PCCA: variants seen among roughly 807,000 people sequenced by gnomAD.
PCCA encodes propionyl-CoA carboxylase subunit alpha, also known as propionyl-CoA carboxylase alpha chain, mitochondrial.
In PCCA, 74 loss-of-function variants were observed where a neutral mutation model predicts 101.3. The ratio of observed to expected loss-of-function variants is 0.73; its 90% CI spans 0.61 to 0.89. PCCA has a LOEUF of 0.89. Ranked by LOEUF, PCCA falls within the 40% of genes least tolerant of loss-of-function variation. The pLI is 0.00. For missense variants in PCCA, 891 were observed against 907.0 expected (o/e 0.98, Z 0.23); for synonymous variants, 294 against 313.6 (o/e 0.94, Z 0.66).
intron 19 of PCCA, among the ~76,000 whole-genome samples, chr13:100,390,544 A>T (rs2076750771): frequency 6.6e-6 from 1 of 152,218 alleles, no homozygotes. Flanking sequence ...GGTATGCTAA[A>T]GATTTAAAGG....
intron 7 of PCCA, among the ~76,000 whole-genome samples, chr13:100,217,374 G>A (rs745876313): frequency 6.6e-6 from 1 of 151,512 alleles, no homozygotes; most frequent in Non-Finnish European, 1.5e-5. Flanking sequence ...ACCACAGGAG[G>A]TGGAGCTTGC....
At chr13:100,342,831 C>T (rs1595462780) in intron 18 of PCCA, among the ~76,000 whole-genome samples, 1 of 151,884 alleles carries the variant, frequency 6.6e-6, no homozygotes, top group Non-Finnish European at 1.5e-5. Flanking sequence ...CAGCGACCCT[C>T]CTGCCTCAGT....
intron 4 of PCCA, 117 bp from the exon 5 acceptor site, chr13:100,154,862 A>G: frequency 1.3e-6 from 1 of 772,720 alleles, no homozygotes; most frequent in South Asian, 1.4e-5. Flanking sequence ...TCAAAAAGAA[A>G]TACGACTCTA....
intron 21 of PCCA, among the ~76,000 whole-genome samples, chr13:100,453,934 G>A (rs1595968682): frequency 6.6e-6 from 1 of 152,202 alleles, no homozygotes; most frequent in South Asian, 2.1e-4. Context: ...GCGCGATCTC[G>A]ATATCCGCTC....
At chr13:100,503,745 A>T (rs2085861821) in intron 21 of PCCA, among the ~76,000 whole-genome samples, 1 of 152,118 alleles carries the variant, frequency 6.6e-6, no homozygotes, top group Admixed American at 6.5e-5. Flanking sequence ...CTTTACAAAA[A>T]ATTTAAAAAA....
Position 100,530,177 on chromosome 13 carries a change from A to G in PCCA, c.*11A>G. On this transcript the variant is annotated 3_prime_UTR_variant, in exon 24 of 24. Transcript: ENST00000376285. Reference sequence around the variant, plus strand: ...GTGGAGCTGGAATGAAGGATTTATAACCTTTCAGTCATCACCCAATTTAAT... The same window carrying G: ...GTGGAGCTGGAATGAAGGATTTATAGCCTTTCAGTCATCACCCAATTTAAT... 1 of 1,605,936 alleles carries G rather than the reference A, an allele frequency of 6.2e-7. No homozygotes were observed. Among genetic ancestry groups the G allele is most frequent in the Non-Finnish European group, 8.5e-7 (1 of 1,172,604 alleles).
In PCCA at chr13:100,339,155, G is replaced by T. The variant is rs113419618; in HGVS notation, c.1541-1002G>T. Among the ~76,000 whole-genome samples, 384 of 152,014 alleles carry T rather than the reference G, an allele frequency of 2.5e-3. 4 individuals are homozygous for T. In the South Asian group the frequency reaches 0.028, roughly 11 times the overall value. Reference sequence around the variant, plus strand: ...ATCATCTCTAGGTTACTTATAATGCGTAGTACAATGTAAATGCTGTGTAAA... The same window carrying T: ...ATCATCTCTAGGTTACTTATAATGCTTAGTACAATGTAAATGCTGTGTAAA... On this transcript the variant is annotated intron_variant, in intron 17 of 23. Transcript: ENST00000376285.
Position 100,253,668 on chromosome 13 carries a change from C to T in PCCA, c.638-3927C>T, listed in dbSNP as rs187361961. Among the ~76,000 whole-genome samples, 91 of 152,176 alleles carry T rather than the reference C, an allele frequency of 6.0e-4. 1 individual carries two copies. Among genetic ancestry groups the T allele is most frequent in the African/African-American group, 1.8e-3 (73 of 41,540 alleles). On this transcript the variant is annotated intron_variant, in intron 8 of 23. Coordinates refer to ENST00000376285, the MANE Select transcript of PCCA (RefSeq NM_000282.4). ...CATATAGTATTAGTAGATTTCTTTT[C>T]GGAAGCATTAGTGCCTCTTTTATTG...
intron 12 of PCCA, among the ~76,000 whole-genome samples, chr13:100,292,664 A>G (rs1262854457): frequency 1.3e-5 from 2 of 152,236 alleles, no homozygotes; most frequent in Non-Finnish European, 2.9e-5. Context: ...AAAAGATGGC[A>G]AGCCACATAT....
intron 6 of PCCA, among the ~76,000 whole-genome samples, chr13:100,203,144 C>T (rs568337869): frequency 1.1e-4 from 17 of 151,586 alleles, no homozygotes; most frequent in South Asian, 4.2e-4. Flanking sequence ...CGTGGTGGTG[C>T]GCGTCTGTAG....
chr13:100,370,908 A>G (rs573603688), intron 19 of PCCA, among the ~76,000 whole-genome samples: 1 of 152,266 alleles, frequency 6.6e-6, no homozygotes, highest in South Asian at 2.1e-4. Flanking sequence ...GTCTGGGTTA[A>G]TGACTCTGGA....
chr13:100,163,252 G>A (rs970960244), intron 6 of PCCA, among the ~76,000 whole-genome samples: 6 of 152,038 alleles, frequency 3.9e-5, no homozygotes, highest in African/African-American at 7.2e-5. Flanking sequence ...GAAGTGTTAC[G>A]TTCTAGTTTT....
Position 100,100,817 on chromosome 13 carries a change from C to T in PCCA, c.106-2066C>T, listed in dbSNP as rs558943476. On this transcript the variant is annotated intron_variant, in intron 1 of 23. Transcript: ENST00000376285. Reference sequence around the variant, plus strand: ...TTTTTTTTTTGTTGAGACAGTGTTTCGCTCTTTTTGCCCAGGCTGGAGTGC... The same window carrying T: ...TTTTTTTTTTGTTGAGACAGTGTTTTGCTCTTTTTGCCCAGGCTGGAGTGC... Among the ~76,000 whole-genome samples, 37 of 148,582 alleles carry T rather than the reference C, an allele frequency of 2.5e-4. No homozygotes were observed. In the South Asian group the frequency reaches 3.0e-3, roughly 12 times the overall value.
At chr13:100,167,695 T>C (rs950061389) in intron 6 of PCCA, among the ~76,000 whole-genome samples, 1 of 152,236 alleles carries the variant, frequency 6.6e-6, no homozygotes, top group African/African-American at 2.4e-5. Flanking sequence ...TTATATGTGG[T>C]GTGAAGTAGG....
At position 100,530,214 on chromosome 13, in the gene PCCA, A is replaced by G. The variant is rs763154421; in HGVS notation, c.*48A>G. On this transcript the variant is annotated 3_prime_UTR_variant, in exon 24 of 24. Coordinates refer to ENST00000376285, the MANE Select transcript of PCCA (RefSeq NM_000282.4). ...TCACCCAATTTAATTAGCCATTTGCATGATGCTTTCACACACAATTGATTC... is the reference window on the plus strand; with the variant it reads ...TCACCCAATTTAATTAGCCATTTGCGTGATGCTTTCACACACAATTGATTC... The G allele has an allele frequency of 7.1e-7, 1 of 1,407,622 alleles. No individual in the cohort carries two copies. The highest frequency in any genetic ancestry group is 2.3e-5 in the East Asian group (1 of 43,946). The allele number at this position is 1,407,622 out of a possible 1,614,324, so 87.2% of individuals were successfully genotyped here. A position where few individuals can be genotyped will look rare whatever the true frequency, so the allele number is the denominator to read the frequency against.
intron 4 of PCCA, among the ~76,000 whole-genome samples, chr13:100,114,462 G>A (rs865884625): frequency 1.8e-4 from 28 of 152,232 alleles, no homozygotes; most frequent in African/African-American, 5.5e-4. Flanking sequence ...AATTAGCCGC[G>A]TGTGGTGGCA....
chr13:100,119,247 A>G (rs1205280164), intron 4 of PCCA, among the ~76,000 whole-genome samples: 1 of 152,104 alleles, frequency 6.6e-6, no homozygotes, highest in East Asian at 1.9e-4. Context: ...TAAAGAATCT[A>G]TCATATTATT....
chr13:100,258,365 T>A (rs1041253816), intron 9 of PCCA, among the ~76,000 whole-genome samples: 16 of 152,224 alleles, frequency 1.1e-4, no homozygotes, highest in African/African-American at 3.9e-4. Flanking sequence ...TGGGAGATAC[T>A]GTTGTGGCCA....
intron 12 of PCCA, among the ~76,000 whole-genome samples, chr13:100,297,350 G>C (rs1401634610): frequency 1.3e-5 from 2 of 152,166 alleles, no homozygotes; most frequent in African/African-American, 4.8e-5. Context: ...TGAGGAATAG[G>C]CTGAAGATGA....
Sources: gnomAD v4.1 joint callset for allele counts (sites outside exome capture counted in the v4.1 genomes callset) on GRCh38, gnomAD v4.1.1 for gene constraint, MANE v1.5 for transcripts, NCBI Gene and HGNC (gene_info 2026-07-23, HGNC 2026-07-21) for gene names.